Variants in UPP2 observed in about 807,000 individuals in gnomAD.
UPP2 encodes uridine phosphorylase 2, also known as UPase 2.
A neutral mutation model predicts 26.7 loss-of-function variants in UPP2; 23 were observed. The observed-to-expected ratio is 0.86, with a 90% CI of 0.62 to 1.22. The LOEUF is 1.22. UPP2 is among the 50% of genes most tolerant of loss of function. The pLI is 0.00. For missense variants in UPP2, 387 were observed against 396.7 expected (o/e 0.98, Z 0.21); for synonymous variants, 127 against 141.3 (o/e 0.90, Z 0.72).
intron 5 of UPP2, 97 bp from the exon 6 acceptor site, chr2:158,123,652 C>T (rs147388021): frequency 1.4e-6 from 2 of 1,409,604 alleles, no homozygotes; most frequent in Non-Finnish European, 1.9e-6. Flanking sequence ...TAGAGTTAGA[C>T]AGCGGCAGCG....
chr2:158,004,576 G>C lies in UPP2; in HGVS notation c.61+9317G>C, dbSNP rs76415296. On this transcript the variant is annotated intron_variant, in intron 2 of 9. Coordinates refer to the UPP2 transcript ENST00000605860. ...ACCAGTCACTATTCAGTGTGCTCGG[G>C]AGACAGCTGTGAACAAAACAGGCTC... Among the ~76,000 whole-genome samples, 43 of 152,274 alleles carry C rather than the reference G, an allele frequency of 2.8e-4. No homozygotes were observed. The East Asian group carries it at 8.1e-3, about 29-fold the overall frequency.
chr2:158,058,891 A>G (rs1190941230), intron 3 of UPP2, among the ~76,000 whole-genome samples: 1 of 152,206 alleles, frequency 6.6e-6, no homozygotes, highest in Non-Finnish European at 1.5e-5. Context: ...AGTTGCAGGC[A>G]CAATGCCTAT....
rs373591551 is a variant in UPP2, at chr2:158,130,436, G to A, written c.812-4312G>A. 3.9e-3 allele frequency among the ~76,000 whole-genome samples: 500 copies of A among 129,330 alleles called. 5 individuals are homozygous for A. The highest frequency in any genetic ancestry group is 0.014 in the African/African-American group (477 of 33,252). The allele number at this position is 129,330 out of a possible 152,430, so 84.8% of individuals were successfully genotyped here. On this transcript the variant is annotated intron_variant, in intron 6 of 6. Transcript: ENST00000005756. ...ACTGCACTCCAGCCTGGGTGACAGA[G>A]CAAGAATCCGTCTCAAAAAAAAAAA... is the stretch of plus-strand genomic sequence containing the variant.
intron 2 of UPP2, among the ~76,000 whole-genome samples, chr2:158,012,930 T>C (rs2105142501): frequency 6.6e-6 from 1 of 152,308 alleles, no homozygotes; most frequent in Middle Eastern, 3.4e-3. Flanking sequence ...CCCTACTATA[T>C]GGAGAAATAT....
upstream of UPP2, among the ~76,000 whole-genome samples, chr2:158,098,243 T>G (rs1420609223): frequency 6.6e-6 from 1 of 152,094 alleles, no homozygotes; most frequent in African/African-American, 2.4e-5. Flanking sequence ...AGGTCTGCGG[T>G]GACCACCCAC....
At chr2:158,042,314 A>AC (rs1574259680) in intron 3 of UPP2, among the ~76,000 whole-genome samples, 1 of 151,782 alleles carries the variant, frequency 6.6e-6, no homozygotes, top group East Asian at 1.9e-4. Context: ...GGGAAGAACA[A>AC]CCCCCCTCGC....
intron 3 of UPP2, among the ~76,000 whole-genome samples, chr2:158,023,483 G>C (rs1356473735): frequency 6.6e-6 from 1 of 152,156 alleles, no homozygotes; most frequent in East Asian, 1.9e-4. Context: ...GTTAGAATTG[G>C]AAAGAAGCTA....
At chr2:157,995,265 T>C (rs1346388354) in intron 2 of UPP2, 3 of 1,613,514 alleles carry the variant, frequency 1.9e-6, no homozygotes, top group African/African-American at 2.7e-5. Context: ...TGAAGGTTAG[T>C]GAGGGAAGAG....
chr2:158,007,847 G>C (rs1311578231), intron 2 of UPP2, among the ~76,000 whole-genome samples: 1 of 152,134 alleles, frequency 6.6e-6, no homozygotes, highest in Non-Finnish European at 1.5e-5. Flanking sequence ...TGATCCGCCT[G>C]CCTTGGACTC....
chr2:158,016,585 C>A (rs1683663536), intron 3 of UPP2, among the ~76,000 whole-genome samples: 1 of 152,062 alleles, frequency 6.6e-6, no homozygotes, highest in Admixed American at 6.6e-5. Context: ...AAGTGATCTG[C>A]CTGCCTCGGC....
chr2:158,118,401 C>A (rs951726152), intron 4 of UPP2, among the ~76,000 whole-genome samples: 2 of 151,952 alleles, frequency 1.3e-5, no homozygotes, highest in Non-Finnish European at 2.9e-5. Flanking sequence ...CCTCTACTGG[C>A]TGTATCTTTT....
chr2:158,067,594 G>C (rs1156467013), intron 3 of UPP2, among the ~76,000 whole-genome samples: 1 of 152,196 alleles, frequency 6.6e-6, no homozygotes, highest in Non-Finnish European at 1.5e-5. Flanking sequence ...GTCCCATTAT[G>C]GGCAGAGAAG....
intron 3 of UPP2, among the ~76,000 whole-genome samples, chr2:158,042,119 T>G (rs962214570): frequency 3.3e-5 from 5 of 152,202 alleles, no homozygotes; most frequent in African/African-American, 1.2e-4. Flanking sequence ...CAGGACCATT[T>G]TGAAGCAGGC....
At chr2:158,060,719 G>A (rs1369014319) in intron 3 of UPP2, among the ~76,000 whole-genome samples, 1 of 152,062 alleles carries the variant, frequency 6.6e-6, no homozygotes, top group African/African-American at 2.4e-5. Flanking sequence ...AAGTCATGAG[G>A]GTAGGGCCCC....
rs187891335 is a variant in UPP2, at chr2:158,059,597, T to C, written c.148-42443T>C. 6.8e-4 allele frequency among the ~76,000 whole-genome samples: 103 copies of C among 152,356 alleles called. No individual in the cohort carries two copies. The Middle Eastern group carries it at 0.017, about 25-fold the overall frequency. On this transcript the variant is annotated intron_variant, in intron 3 of 9. Transcript: ENST00000605860. ...AGAGGTCTTAATGACTTGACTTTGG[T>C]CATATTGGGCAAAAGGGTAAAAGTG...
At chr2:158,086,003 G>C (rs542800630) in intron 3 of UPP2, among the ~76,000 whole-genome samples, 11 of 152,136 alleles carry the variant, frequency 7.2e-5, no homozygotes, top group African/African-American at 2.6e-4. Flanking sequence ...GTATTAGGGT[G>C]ATACTGGCTT....
intron 3 of UPP2, chr2:158,066,198 T>A (rs1682431749): frequency 6.4e-6 from 1 of 156,796 alleles, no homozygotes; most frequent in African/African-American, 2.4e-5. Flanking sequence ...TGAAAGGCAG[T>A]TTTACCAGGC....
At chr2:158,031,959 G>T (rs532618704) in intron 3 of UPP2, among the ~76,000 whole-genome samples, 1 of 152,236 alleles carries the variant, frequency 6.6e-6, no homozygotes, top group East Asian at 1.9e-4. Flanking sequence ...ATCATTCAGA[G>T]CACACATCTT....
upstream of UPP2, among the ~76,000 whole-genome samples, chr2:158,100,178 C>T (rs931268451): frequency 6.6e-6 from 1 of 152,146 alleles, no homozygotes; most frequent in Admixed American, 6.5e-5. Flanking sequence ...CTACTTTCAT[C>T]AACTTTTATA....
Sources: gnomAD v4.1 joint callset for allele counts (sites outside exome capture counted in the v4.1 genomes callset) on GRCh38, gnomAD v4.1.1 for gene constraint, MANE v1.5 for transcripts, NCBI Gene and HGNC (gene_info 2026-07-23, HGNC 2026-07-21) for gene names.